Variants in LIN54 observed in about 807,000 individuals in gnomAD.
LIN54 encodes the protein protein lin-54 homolog.
In LIN54, 9 loss-of-function variants were observed where a neutral mutation model predicts 78.7. The observed-to-expected ratio is 0.11, with a 90% CI of 0.07 to 0.20. The LOEUF (loss-of-function observed/expected upper bound fraction) is 0.20. Among genes scored for constraint, LIN54 ranks in the 10% least tolerant of loss-of-function variants. The probability of loss-of-function intolerance (pLI) is 1.00; values close to 1 mark genes in which losing one functional copy is unlikely to be tolerated. For missense variants in LIN54, 573 were observed against 889.9 expected, an observed-to-expected ratio of 0.64 and a Z score of 4.53; for synonymous variants, 269 against 318.4, an observed-to-expected ratio of 0.84 and a Z score of 1.65.
intron 4 of LIN54, among the ~76,000 whole-genome samples, chr4:82,946,969 G>A (rs1245587924): frequency 6.6e-6 from 1 of 151,636 alleles, no homozygotes; most frequent in Non-Finnish European, 1.5e-5. Context: ...GGTCAGACTG[G>A]TCTTGAACTC....
At position 83,010,714 on chromosome 4, in the gene LIN54, G is replaced by T; in HGVS notation, c.-263C>A. The stretch of plus-strand genomic sequence containing the variant: ...CGCCGCCTCTGGTATGTCAGGGGCC[G>T]GGATTGTATTTCGAAAGATCCGCCA... On this transcript the variant is annotated 5_prime_UTR_variant, in exon 1 of 13. Coordinates refer to ENST00000340417, the MANE Select transcript of LIN54 (RefSeq NM_194282.4). 4 of 1,229,362 alleles carry T rather than the reference G, an allele frequency of 3.3e-6. No homozygotes were observed. Among genetic ancestry groups the T allele is most frequent in the Non-Finnish European group, 4.1e-6 (4 of 986,204 alleles). 76.2% of individuals were successfully genotyped at this position (1,229,362 alleles called of 1,614,324 possible).
intron 1 of LIN54, among the ~76,000 whole-genome samples, chr4:83,002,109 G>T (rs1728896825): frequency 6.6e-6 from 1 of 151,314 alleles, no homozygotes; most frequent in African/African-American, 2.4e-5. Flanking sequence ...AAGAAGCACA[G>T]AAAACGAACT....
chr4:82,983,842 G>A (rs1187975422), intron 2 of LIN54, among the ~76,000 whole-genome samples: 5 of 151,872 alleles, frequency 3.3e-5, no homozygotes, highest in African/African-American at 1.2e-4. Flanking sequence ...CAGCAAGTCT[G>A]GCATATTTAT....
upstream of LIN54, chr4:83,012,090 C>G (rs1025117342): frequency 1.0e-6 from 1 of 960,216 alleles, no homozygotes; most frequent in Non-Finnish European, 1.2e-6. Context: ...ACCACCCACC[C>G]CAATTGCTGT....
chr4:82,986,890 A>G (rs535673264), intron 1 of LIN54, among the ~76,000 whole-genome samples: 7 of 152,294 alleles, frequency 4.6e-5, no homozygotes, highest in African/African-American at 1.7e-4. Context: ...AATCATCATT[A>G]TCCCTGTTTT....
At chr4:82,979,148 C>T in intron 2 of LIN54, 142 bp from the exon 3 acceptor site, 2 of 487,474 alleles carry the variant, frequency 4.1e-6, no homozygotes. Flanking sequence ...ATGTTAAGAA[C>T]ATTTAAAATG....
chr4:82,982,587 G>C (rs1237287387), intron 2 of LIN54, among the ~76,000 whole-genome samples: 1 of 152,090 alleles, frequency 6.6e-6, no homozygotes, highest in African/African-American at 2.4e-5. Context: ...ATAAACTTTG[G>C]TAAACCAATA....
rs746031907 is a variant in LIN54, at chr4:82,939,926, A to G, written c.1205T>C (p.Met402Thr). 5 of 1,612,086 alleles carry G rather than the reference A, an allele frequency of 3.1e-6. No homozygotes were observed. The highest frequency in any genetic ancestry group is 1.3e-5 in the African/African-American group (1 of 74,818). The change falls in exon 6 of 13, where the codon ATG becomes ACG. Residue 402 changes from methionine to threonine, a missense_variant. By Grantham distance (81) the Met-to-Thr change is moderately conservative (BLOSUM62 -1). This residue lies in a region of LIN54 where 199 missense variants were observed against 260.9 expected (regional missense o/e 0.76). Transcript: ENST00000340417. Reference protein sequence around the residue: ...PVVVNTTPVRMSVPIVSAQAV... With the variant: ...PVVVNTTPVRTSVPIVSAQAV... ...CTGAGCTGAGACAATTGGAACTGAC[A>G]TCCGCACTGGGGTTGTATTAACAAC...
rs1381677703 is a variant in LIN54, at chr4:82,925,535, GA to G, written c.*2566del. On this transcript the variant is annotated 3_prime_UTR_variant, in exon 13 of 13. Transcript: ENST00000340417. The stretch of plus-strand genomic sequence containing the variant: ...AAAAGAAACAGTGGGGAAAAAAAGA[GA>G]AGACATATTCTCATTTCAAAGCAAT... 2 of 145,888 alleles carry G rather than the reference GA, an allele frequency of 1.4e-5. No individual in the cohort carries two copies. The highest frequency in any genetic ancestry group is 3.0e-5 in the Non-Finnish European group (2 of 66,680). The allele number at this position is 145,888 out of a possible 1,614,324, so 9.0% of individuals were successfully genotyped here.
Position 82,938,457 on chromosome 4 carries a change from A to C in LIN54, c.1488T>G (p.Thr496=). The part of the protein sequence containing the change: ...YVSIASNSTF[T]GTSGIQTQAR... ...CCTGGGTCTGGATACCAGATGTTCC[A>C]GTAAAGGTAGAGTTGCTTGCTATTG... The change falls in exon 8 of 13, where the codon ACT becomes ACG. Residue 496 remains threonine (T), a synonymous_variant. Transcript: ENST00000340417. 1 of 1,612,268 alleles carries C rather than the reference A, an allele frequency of 6.2e-7. No individual in the cohort carries two copies. Among genetic ancestry groups the C allele is most frequent in the Non-Finnish European group, 8.5e-7 (1 of 1,178,358 alleles).
intron 3 of LIN54, among the ~76,000 whole-genome samples, chr4:82,974,510 G>A (rs1725981265): frequency 6.6e-6 from 1 of 152,126 alleles, no homozygotes; most frequent in African/African-American, 2.4e-5. Flanking sequence ...GCCGAGGTGG[G>A]CAGATCACCT....
At position 82,960,934 on chromosome 4, in the gene LIN54, C is replaced by T. The variant is rs115051997; in HGVS notation, c.951+9393G>A. On this transcript the variant is annotated intron_variant, in intron 4 of 12. Coordinates refer to ENST00000340417, the MANE Select transcript of LIN54 (RefSeq NM_194282.4). Reference sequence around the variant, plus strand: ...ATATTAGCTGGGTGTGAGGCATGTGCGTGTATTCCCAGCTACTCAGGAGGC... The same window carrying T: ...ATATTAGCTGGGTGTGAGGCATGTGTGTGTATTCCCAGCTACTCAGGAGGC... Among the ~76,000 whole-genome samples the T allele has an allele frequency of 6.9e-3, 1,050 of 152,088 alleles. 15 individuals are homozygous for T. The highest frequency in any genetic ancestry group is 0.024 in the African/African-American group (1,009 of 41,472).
At chr4:82,963,969 T>G (rs1353970484) in intron 4 of LIN54, among the ~76,000 whole-genome samples, 2 of 152,132 alleles carry the variant, frequency 1.3e-5, no homozygotes, top group Admixed American at 1.3e-4. Flanking sequence ...ATGCCTTAAT[T>G]TTTTATGTAT....
intron 2 of LIN54, among the ~76,000 whole-genome samples, chr4:82,980,332 T>G (rs2126082846): frequency 6.6e-6 from 1 of 152,218 alleles, no homozygotes; most frequent in South Asian, 2.1e-4. Context: ...AAATTGAGAC[T>G]GTAAAAGAAC....
At chr4:82,949,793 T>C (rs1284179305) in intron 4 of LIN54, among the ~76,000 whole-genome samples, 1 of 152,118 alleles carries the variant, frequency 6.6e-6, no homozygotes, top group African/African-American at 2.4e-5. Context: ...CATTTTATCA[T>C]TTCCTTTGCT....
chr4:83,008,513 G>C (rs1224225570), intron 1 of LIN54, among the ~76,000 whole-genome samples: 1 of 152,126 alleles, frequency 6.6e-6, no homozygotes, highest in Non-Finnish European at 1.5e-5. Flanking sequence ...TTAGCCCGGC[G>C]TGGTGGCGGG....
In LIN54 at chr4:82,944,113, C is replaced by T. The variant is rs559170156; in HGVS notation, c.1168+2145G>A. Among the ~76,000 whole-genome samples, 7 of 152,010 alleles carry T rather than the reference C, an allele frequency of 4.6e-5. No individual in the cohort carries two copies. The East Asian group carries it at 5.8e-4, about 13-fold the overall frequency. On this transcript the variant is annotated intron_variant, in intron 5 of 12. Transcript: ENST00000340417. Reference sequence around the variant, plus strand: ...CTCAAACTCCCAACCTCAAGTGATCCGCCCACCTCAGCCTCCCAAAGTGCT... The same window carrying T: ...CTCAAACTCCCAACCTCAAGTGATCTGCCCACCTCAGCCTCCCAAAGTGCT...
chr4:82,947,477 T>C (rs1181352851), intron 4 of LIN54, among the ~76,000 whole-genome samples: 2 of 150,436 alleles, frequency 1.3e-5, no homozygotes, highest in Non-Finnish European at 3.0e-5. Flanking sequence ...AGGCTGGTCT[T>C]GAACTCCTGG....
Position 82,974,158 on chromosome 4 carries a change from C to T in LIN54, c.809-3689G>A, listed in dbSNP as rs192609855. ...CCAGGAGGCGGAGCTTGCAGTGAGCCGAGATCGCACCACTGCACTCCAGCC... is the reference window on the plus strand; with the variant it reads ...CCAGGAGGCGGAGCTTGCAGTGAGCTGAGATCGCACCACTGCACTCCAGCC... On this transcript the variant is annotated intron_variant, in intron 3 of 12. Transcript: ENST00000340417. Among the ~76,000 whole-genome samples the T allele has an allele frequency of 6.1e-4, 92 of 151,264 alleles. 1 individual carries two copies. Among genetic ancestry groups the T allele is most frequent in the Non-Finnish European group, 2.4e-4 (16 of 67,824 alleles).
Sources: gnomAD v4.1 joint callset for allele counts (sites outside exome capture counted in the v4.1 genomes callset) on GRCh38, gnomAD v4.1.1 for gene constraint, gnomAD v4.1.1 regional missense constraint, MANE v1.5 for transcripts, NCBI Gene and HGNC (gene_info 2026-07-23, HGNC 2026-07-21) for gene names.